Variants in PIP5K1B observed in about 807,000 individuals in gnomAD.
The protein encoded by PIP5K1B is phosphatidylinositol 4-phosphate 5-kinase type-1 beta.
Under a neutral mutation model 67.0 loss-of-function variants are expected in PIP5K1B, and 42 were observed. The observed-to-expected ratio is 0.63, with a 90% confidence interval of 0.49 to 0.81. The LOEUF is 0.81. PIP5K1B is among the 30% of genes least tolerant of loss of function. The pLI is 0.00. For missense variants in PIP5K1B, 459 were observed against 646.3 expected, an observed-to-expected ratio of 0.71 and a Z score of 3.14; for synonymous variants, 214 against 231.4, an observed-to-expected ratio of 0.92 and a Z score of 0.68.
chr9:68,764,074 C>CTTTTTTTTTTTTTTTT (rs72304177), intron 2 of PIP5K1B, among the ~76,000 whole-genome samples: 2 of 73,518 alleles, frequency 2.7e-5, no homozygotes, highest in African/African-American at 1.1e-4. Context: ...ACTATAACTT[C>CTTTTTTTTTTTTTTTT]TTTTTTTTTT....
rs112045042 is a variant in PIP5K1B, at chr9:68,936,676, C to T, written c.1357+1631C>T. Among the ~76,000 whole-genome samples, 1,372 of 152,252 alleles carry T rather than the reference C, an allele frequency of 9.0e-3. 6 individuals are homozygous for T. Among genetic ancestry groups the T allele is most frequent in the Non-Finnish European group, 0.014 (971 of 68,004 alleles). On this transcript the variant is annotated intron_variant, in intron 13 of 15. Transcript: ENST00000265382. ...GTTTGGTTTCTTTCTTTCTCATCTT[C>T]CCATAAACCAACTTTTACCTGGAGT...
intron 4 of PIP5K1B, among the ~76,000 whole-genome samples, chr9:68,858,139 A>G (rs1201015751): frequency 6.6e-6 from 1 of 151,900 alleles, no homozygotes; most frequent in East Asian, 1.9e-4. Flanking sequence ...ATGCCCGGCT[A>G]ATTTTTGTAT....
intron 5 of PIP5K1B, among the ~76,000 whole-genome samples, chr9:68,870,002 A>C (rs1823553850): frequency 6.6e-6 from 1 of 151,592 alleles, no homozygotes; most frequent in Non-Finnish European, 1.5e-5. Context: ...TCAAATCAAA[A>C]CTCTTTATGT....
At chr9:68,893,196 C>G (rs957437202) in intron 7 of PIP5K1B, among the ~76,000 whole-genome samples, 6 of 152,142 alleles carry the variant, frequency 3.9e-5, no homozygotes, top group Admixed American at 3.9e-4. Context: ...GTGGTTTTCT[C>G]AAATGTTGAG....
intron 4 of PIP5K1B, among the ~76,000 whole-genome samples, chr9:68,855,206 G>A (rs1409411206): frequency 6.6e-6 from 1 of 152,120 alleles, no homozygotes; most frequent in African/African-American, 2.4e-5. Context: ...CTTGGTTTCA[G>A]TGAAGCCATA....
At chr9:68,909,008 G>A (rs999294423) in intron 8 of PIP5K1B, among the ~76,000 whole-genome samples, 3 of 152,106 alleles carry the variant, frequency 2.0e-5, no homozygotes, top group Non-Finnish European at 2.9e-5. Context: ...AAGTGAGATG[G>A]AACATAGCAA....
intron 11 of PIP5K1B, among the ~76,000 whole-genome samples, chr9:68,920,355 T>A (rs2152650): frequency 0.96 from 111,599 of 116,294 alleles, 53,539 homozygotes; most frequent in South Asian, 0.99. Context: ...CTGCCTGAGG[T>A]TGTCTTTTTT....
At chr9:68,745,848 CTTATA>C (rs554740248) in intron 2 of PIP5K1B, among the ~76,000 whole-genome samples, 120 of 152,268 alleles carry the variant, frequency 7.9e-4, no homozygotes, top group African/African-American at 2.7e-3. Flanking sequence ...CACAGTACAT[CTTATA>C]TTATAAATGA....
At chr9:68,912,092 C>T (rs1193537467) in intron 8 of PIP5K1B, among the ~76,000 whole-genome samples, 1 of 152,092 alleles carries the variant, frequency 6.6e-6, no homozygotes, top group East Asian at 1.9e-4. Flanking sequence ...TCAAGTATTA[C>T]CCTCTCTTAC....
chr9:68,905,883 G>A (rs900560241), intron 8 of PIP5K1B, among the ~76,000 whole-genome samples: 3 of 152,168 alleles, frequency 2.0e-5, no homozygotes, highest in Non-Finnish European at 4.4e-5. Flanking sequence ...ACTGGCTTCT[G>A]AGAGGTTTGG....
intron 14 of PIP5K1B, among the ~76,000 whole-genome samples, chr9:68,978,088 A>G (rs541443849): frequency 9.2e-4 from 140 of 152,326 alleles, no homozygotes; most frequent in Non-Finnish European, 1.6e-3. Flanking sequence ...TAAAATGATT[A>G]CCACATCAAG....
intron 4 of PIP5K1B, among the ~76,000 whole-genome samples, chr9:68,857,692 C>T (rs1822848053): frequency 6.6e-6 from 1 of 151,992 alleles, no homozygotes; most frequent in African/African-American, 2.4e-5. Flanking sequence ...AAAATGAGAC[C>T]CTATCCCAAC....
chr9:68,827,193 G>A (rs1025441843), intron 4 of PIP5K1B, among the ~76,000 whole-genome samples: 9 of 152,226 alleles, frequency 5.9e-5, no homozygotes, highest in Non-Finnish European at 1.5e-5. Flanking sequence ...CCTGGACAAA[G>A]CTAAGTGGTG....
chr9:68,920,227 G>A (rs1826295934), intron 11 of PIP5K1B, among the ~76,000 whole-genome samples: 1 of 152,122 alleles, frequency 6.6e-6, no homozygotes, highest in South Asian at 2.1e-4. Flanking sequence ...CCTGCTTGGT[G>A]TGAACATGGG....
chr9:68,954,991 A>C (rs757478864), intron 14 of PIP5K1B, among the ~76,000 whole-genome samples: 1 of 152,258 alleles, frequency 6.6e-6, no homozygotes, highest in Non-Finnish European at 1.5e-5. Context: ...TTGAGAGACT[A>C]TAATATTTGT....
intron 2 of PIP5K1B, among the ~76,000 whole-genome samples, chr9:68,815,227 A>C (rs1489430470): frequency 2.0e-5 from 3 of 151,570 alleles, no homozygotes; most frequent in Admixed American, 2.0e-4. Context: ...TTGTTAATGC[A>C]TTTAGGAATA....
chr9:68,946,136 A>G (rs1029787551), intron 14 of PIP5K1B, among the ~76,000 whole-genome samples: 12 of 152,346 alleles, frequency 7.9e-5, no homozygotes, highest in African/African-American at 2.9e-4. Flanking sequence ...CTGTTGATAC[A>G]GCAAGGTCAG....
chr9:68,780,385 C>A, intron 2 of PIP5K1B: 1 of 1,613,556 alleles, frequency 6.2e-7, no homozygotes, highest in South Asian at 1.1e-5. Flanking sequence ...CTGCTGCTGC[C>A]GGCCTCCCCT....
intron 8 of PIP5K1B, among the ~76,000 whole-genome samples, chr9:68,916,881 A>T (rs1468007890): frequency 6.6e-6 from 1 of 151,882 alleles, no homozygotes; most frequent in African/African-American, 2.4e-5. Flanking sequence ...CAAAAATAAA[A>T]AAAAAAAAGA....
Sources: gnomAD v4.1 joint callset for allele counts (sites outside exome capture counted in the v4.1 genomes callset) on GRCh38, gnomAD v4.1.1 for gene constraint, MANE v1.5 for transcripts, NCBI Gene and HGNC (gene_info 2026-07-23, HGNC 2026-07-21) for gene names.